The following LSP1 variants were observed in gnomAD, a reference collection of about 807,000 sequenced individuals.
The protein encoded by LSP1 is lymphocyte specific protein 1.
A neutral mutation model predicts 49.3 loss-of-function variants in LSP1; 32 were observed. The ratio of observed to expected loss-of-function variants is 0.65; its 90% CI spans 0.49 to 0.87. The LOEUF (loss-of-function observed/expected upper bound fraction) is 0.87. Among genes scored for constraint, LSP1 ranks in the 40% least tolerant of loss-of-function variants. The pLI is 0.00. For synonymous variants in LSP1, 179 were observed against 178.8 expected (o/e 1.00, Z -0.01); for missense variants, 428 against 442.6 (o/e 0.97, Z 0.30).
At position 1,861,019 on chromosome 11, in the gene LSP1, C is replaced by G. The variant is rs180975073; in HGVS notation, c.53+7822C>G. On this transcript the variant is annotated intron_variant, in intron 1 of 10. Transcript: ENST00000311604. ...GTAGAAAGATAGATAGATAATGAAT[C>G]AATAGACAATTGAATCCGTGCTGAG... Among the ~76,000 whole-genome samples, 1,250 of 152,234 alleles carry G rather than the reference C, an allele frequency of 8.2e-3. 9 individuals carry two copies. The highest frequency in any genetic ancestry group is 0.013 in the Non-Finnish European group (857 of 68,012).
At chr11:1,888,856 A>T (rs1848863606) in intron 10 of LSP1, 1 of 362,572 alleles carries the variant, frequency 2.8e-6, no homozygotes, top group Non-Finnish European at 5.0e-6. Flanking sequence ...TAAAGTTTTC[A>T]TCCCAAGGCC....
At chr11:1,877,643 G>A (rs573950628) in intron 1 of LSP1, among the ~76,000 whole-genome samples, 137 of 152,310 alleles carry the variant, frequency 9.0e-4, no homozygotes, top group African/African-American at 3.2e-3. Context: ...CCTGGAGGGG[G>A]ACGTGGTCCC....
At chr11:1,865,592 C>T (rs1299590902) in intron 1 of LSP1, among the ~76,000 whole-genome samples, 13 of 140,876 alleles carry the variant, frequency 9.2e-5, no homozygotes, top group Admixed American at 1.5e-4. Flanking sequence ...CCACCTGCAC[C>T]GCCGGCTGCA....
intron 1 of LSP1, among the ~76,000 whole-genome samples, chr11:1,862,243 G>A (rs1847661535): frequency 6.6e-6 from 1 of 152,184 alleles, no homozygotes; most frequent in African/African-American, 2.4e-5. Context: ...TAACAGTGGA[G>A]TTGACATCAA....
intron 1 of LSP1, chr11:1,876,676 G>A: frequency 1.3e-5 from 13 of 975,466 alleles, no homozygotes; most frequent in Non-Finnish European, 1.6e-5. Flanking sequence ...GGCCGAGGAT[G>A]GGCATTGTCA....
intron 1 of LSP1, among the ~76,000 whole-genome samples, chr11:1,860,800 A>G (rs1031892627): frequency 4.6e-5 from 7 of 152,034 alleles, no homozygotes; most frequent in African/African-American, 1.7e-4. Context: ...TGGGTGTATA[A>G]ATGGGTAAAT....
intron 2 of LSP1, 73 bp downstream of exon 2, chr11:1,880,297 G>T (rs1848485628): frequency 6.9e-7 from 1 of 1,444,846 alleles, no homozygotes; most frequent in Non-Finnish European, 9.1e-7. Flanking sequence ...CAGAGGGGGA[G>T]GTCAAGGGCC....
chr11:1,867,671 A>G (rs1847839212), intron 1 of LSP1, among the ~76,000 whole-genome samples: 1 of 152,100 alleles, frequency 6.6e-6, no homozygotes, highest in Non-Finnish European at 1.5e-5. Context: ...CAGGGCTGGG[A>G]GAGGCATTGC....
chr11:1,875,441 G>C lies in LSP1; in HGVS notation c.54-4646G>C, dbSNP rs565172258. 3.3e-5 allele frequency among the ~76,000 whole-genome samples: 5 copies of C among 152,324 alleles called. No homozygotes were observed. The East Asian group carries it at 7.7e-4, about 23-fold the overall frequency. Reference sequence around the variant, plus strand: ...TCACCCATCCGGCTCCAGCTGCACAGAGCCACTCCCTCTGAGCAATCCTGC... The same window carrying C: ...TCACCCATCCGGCTCCAGCTGCACACAGCCACTCCCTCTGAGCAATCCTGC... On this transcript the variant is annotated intron_variant, in intron 1 of 10. Transcript: ENST00000311604.
chr11:1,890,028 G>A (rs1043362467), intron 10 of LSP1: 1 of 689,118 alleles, frequency 1.5e-6, no homozygotes, highest in Admixed American at 2.1e-5. Context: ...TGGGGATGGT[G>A]CCAGCTGGAT....
At chr11:1,875,704 C>T (rs1434585707) in intron 1 of LSP1, among the ~76,000 whole-genome samples, 5 of 152,242 alleles carry the variant, frequency 3.3e-5, no homozygotes, top group East Asian at 3.8e-4. Context: ...CAGCCACAAC[C>T]GGGAAGGTGC....
intron 1 of LSP1, among the ~76,000 whole-genome samples, chr11:1,858,784 G>C (rs1034388521): frequency 1.3e-5 from 2 of 152,222 alleles, no homozygotes; most frequent in African/African-American, 4.8e-5. Flanking sequence ...CATGGGGGTG[G>C]GGTTGATAGG....
chr11:1,890,240 C>A, intron 10 of LSP1: 1 of 713,330 alleles, frequency 1.4e-6, no homozygotes, highest in Non-Finnish European at 2.6e-6. Context: ...TGGGGGTGTG[C>A]GGGGAGCGGG....
intron 1 of LSP1, among the ~76,000 whole-genome samples, chr11:1,877,521 G>C (rs980615594): frequency 1.1e-4 from 17 of 152,178 alleles, no homozygotes; most frequent in Admixed American, 6.5e-5. Flanking sequence ...TGTTCCCAGA[G>C]TACACACCTG....
At chr11:1,866,196 C>G (rs1254796296) in intron 1 of LSP1, among the ~76,000 whole-genome samples, 4 of 152,232 alleles carry the variant, frequency 2.6e-5, no homozygotes, top group African/African-American at 9.6e-5. Flanking sequence ...TGCTTGAAGG[C>G]TGCCTTGCTT....
intron 10 of LSP1, chr11:1,889,208 G>C: frequency 1.5e-6 from 1 of 677,316 alleles, no homozygotes; most frequent in Non-Finnish European, 2.7e-6. Context: ...TCAGCTCCAG[G>C]ATGGAGCGGA....
At chr11:1,860,882 C>T (rs941344297) in intron 1 of LSP1, among the ~76,000 whole-genome samples, 2 of 86,028 alleles carry the variant, frequency 2.3e-5, no homozygotes, top group African/African-American at 8.8e-5. Flanking sequence ...GGAATATGGA[C>T]ATATAAATGA....
intron 1 of LSP1, among the ~76,000 whole-genome samples, chr11:1,855,982 G>A (rs1467980377): frequency 6.6e-6 from 1 of 152,194 alleles, no homozygotes; most frequent in Non-Finnish European, 1.5e-5. Flanking sequence ...TCCAGATGTT[G>A]GAGCCCAGCT....
At chr11:1,885,037 C>G (rs1333371384) in intron 7 of LSP1, among the ~76,000 whole-genome samples, 2 of 152,048 alleles carry the variant, frequency 1.3e-5, no homozygotes, top group African/African-American at 4.8e-5. Context: ...TTTATCCAAC[C>G]AGTACTCCTT....
Sources: gnomAD v4.1 joint callset for allele counts (sites outside exome capture counted in the v4.1 genomes callset) on GRCh38, gnomAD v4.1.1 for gene constraint, MANE v1.5 for transcripts, NCBI Gene and HGNC (gene_info 2026-07-23, HGNC 2026-07-21) for gene names.